The following PJA2 variants were observed in gnomAD, a reference collection of about 807,000 sequenced individuals.
The protein encoded by PJA2 is E3 ubiquitin-protein ligase Praja-2.
A neutral mutation model predicts 69.3 loss-of-function variants in PJA2; 25 were observed. The observed-to-expected ratio is 0.36, with a 90% CI of 0.26 to 0.50. The LOEUF (loss-of-function observed/expected upper bound fraction) is 0.50, where lower values mean the gene tolerates loss of function less well. PJA2 is among the 20% of genes least tolerant of loss of function. The pLI, the probability that PJA2 is intolerant of heterozygous loss-of-function variation, is 0.96. For synonymous variants in PJA2, 308 were observed against 277.8 expected (o/e 1.11, Z -1.08); for missense variants, 809 against 830.2 (o/e 0.97, Z 0.31).
Position 109,334,800 on chromosome 5 carries a change from T to A in PJA2, c.*2431A>T, listed in dbSNP as rs1262637841. The A allele has an allele frequency of 6.6e-6, 1 of 152,604 alleles. No homozygotes were observed. Among genetic ancestry groups the A allele is most frequent in the South Asian group, 2.1e-4 (1 of 4,830 alleles). 9.5% of individuals were successfully genotyped at this position (152,604 alleles called of 1,614,324 possible). A position where few individuals can be genotyped will look rare whatever the true frequency, so the allele number is the denominator to read the frequency against. Reference sequence around the variant, plus strand: ...GGGTTATAGAACAATAAACCAACCATTACATTTAGACCTGGGCTTTTGAAA... The same window carrying A: ...GGGTTATAGAACAATAAACCAACCAATACATTTAGACCTGGGCTTTTGAAA... On this transcript the variant is annotated 3_prime_UTR_variant, in exon 10 of 10. Coordinates refer to ENST00000361189, the MANE Select transcript of PJA2 (RefSeq NM_014819.5).
At chr5:109,392,123 T>C (rs2127013234) in intron 1 of PJA2, among the ~76,000 whole-genome samples, 1 of 152,232 alleles carries the variant, frequency 6.6e-6, no homozygotes, top group African/African-American at 2.4e-5. Context: ...GGAGTGTAAA[T>C]GGCCAAGAAT....
chr5:109,338,894 TGACACAC>T (rs1441789692), intron 9 of PJA2, among the ~76,000 whole-genome samples: 8 of 152,334 alleles, frequency 5.3e-5, no homozygotes, highest in African/African-American at 1.9e-4. Context: ...TAACAGTGAC[TGACACAC>T]AGCAGGCACA....
chr5:109,358,130 A>T (rs1475777796), intron 6 of PJA2, among the ~76,000 whole-genome samples: 1 of 152,246 alleles, frequency 6.6e-6, no homozygotes, highest in East Asian at 1.9e-4. Context: ...TGACATGTTC[A>T]TGATGGCCAT....
chr5:109,407,318 T>C (rs1317890057), intron 1 of PJA2, among the ~76,000 whole-genome samples: 2 of 152,088 alleles, frequency 1.3e-5, no homozygotes, highest in African/African-American at 2.4e-5. Flanking sequence ...AAAAAATATA[T>C]ATAAGAAAAC....
intron 1 of PJA2, among the ~76,000 whole-genome samples, chr5:109,400,356 G>GA: frequency 6.6e-6 from 1 of 150,914 alleles, no homozygotes; most frequent in African/African-American, 2.4e-5. Context: ...TGATTTAACT[G>GA]AAAAGAAACA....
intron 1 of PJA2, chr5:109,409,330 A>C (rs1341613734): frequency 3.3e-5 from 5 of 152,308 alleles, no homozygotes; most frequent in Admixed American, 1.3e-4. Flanking sequence ...CGCCCAGCAA[A>C]ACGACGGCAA....
intron 4 of PJA2, 21 bp from the exon 5 acceptor site, chr5:109,368,767 A>G: frequency 6.2e-7 from 1 of 1,602,918 alleles, no homozygotes; most frequent in Non-Finnish European, 8.5e-7. Flanking sequence ...GAAGAGAAAT[A>G]AACTATCATA....
intron 9 of PJA2, among the ~76,000 whole-genome samples, chr5:109,338,636 CAAAAAAAAAA>C (rs11336749): frequency 4.8e-5 from 3 of 62,468 alleles, no homozygotes; most frequent in African/African-American, 1.1e-4. Context: ...AACTCCGTCT[CAAAAAAAAAA>C]AAAAAAAAAA....
Position 109,335,011 on chromosome 5 carries a change from A to G in PJA2, c.*2220T>C, listed in dbSNP as rs1344322123. The G allele has an allele frequency of 1.3e-5, 2 of 152,660 alleles. No homozygotes were observed. Among genetic ancestry groups the G allele is most frequent in the Non-Finnish European group, 2.9e-5 (2 of 68,048 alleles). The allele number at this position is 152,660 out of a possible 1,614,324, so 9.5% of individuals were successfully genotyped here. On this transcript the variant is annotated 3_prime_UTR_variant, in exon 10 of 10. Coordinates refer to ENST00000361189, the MANE Select transcript of PJA2 (RefSeq NM_014819.5). ...AAAAATAAAATTAGGTTAAGTCACA[A>G]CATAAAATAGAGAAATAAGATAAAT... is the stretch of plus-strand genomic sequence containing the variant.
At chr5:109,399,589 T>C (rs1451845969) in intron 1 of PJA2, among the ~76,000 whole-genome samples, 1 of 152,160 alleles carries the variant, frequency 6.6e-6, no homozygotes, top group East Asian at 1.9e-4. Context: ...ACGAATTAGA[T>C]TGAATCAACC....
At chr5:109,354,815 A>G (rs533685761) in intron 7 of PJA2, among the ~76,000 whole-genome samples, 1 of 151,324 alleles carries the variant, frequency 6.6e-6, no homozygotes, top group East Asian at 1.9e-4. Context: ...TAACTTGTCA[A>G]TCTAAACTAG....
At chr5:109,352,283 C>G (rs1412963614) in intron 7 of PJA2, among the ~76,000 whole-genome samples, 3 of 152,160 alleles carry the variant, frequency 2.0e-5, no homozygotes, top group Non-Finnish European at 4.4e-5. Flanking sequence ...TCACATTCCC[C>G]ACTAGTAATA....
chr5:109,353,206 A>G (rs186841839), intron 7 of PJA2, among the ~76,000 whole-genome samples: 1 of 138,728 alleles, frequency 7.2e-6, no homozygotes, highest in Non-Finnish European at 1.6e-5. Context: ...GATACCTATA[A>G]TATCTATAGA....
chr5:109,366,470 C>G (rs890462793), intron 5 of PJA2, among the ~76,000 whole-genome samples: 2 of 152,158 alleles, frequency 1.3e-5, no homozygotes, highest in African/African-American at 4.8e-5. Flanking sequence ...TTTCTGAACC[C>G]TAATTCTCAT....
chr5:109,399,186 G>C (rs542695090), intron 1 of PJA2, among the ~76,000 whole-genome samples: 6 of 2,290 alleles, frequency 2.6e-3, no homozygotes, highest in African/African-American at 7.2e-3. Flanking sequence ...ACTCCAGCCT[G>C]GGTGACAGAG....
chr5:109,401,327 G>A (rs1289864634), intron 1 of PJA2, among the ~76,000 whole-genome samples: 1 of 152,126 alleles, frequency 6.6e-6, no homozygotes, highest in African/African-American at 2.4e-5. Context: ...GGGCACAGTG[G>A]CTCAGGCCTG....
chr5:109,356,006 T>C lies in PJA2; in HGVS notation c.1673A>G (p.Asp558Gly). Residue 558 changes from aspartate (D) to glycine (G), a missense_variant, in exon 7 of 10, where the codon GAT (aspartate) becomes GGT (glycine). Coordinates refer to ENST00000361189, the MANE Select transcript of PJA2 (RefSeq NM_014819.5). ...AATAGCTTCAGCAACTCCTAGTCCA[T>C]CTGCAAAGCCATCAAATAGGCTGAA... ...VDWSLFDGFA[D>G]GLGVAEAISY... The C allele has an allele frequency of 6.2e-7, 1 of 1,610,700 alleles. No individual in the cohort carries two copies. Among genetic ancestry groups the C allele is most frequent in the East Asian group, 2.2e-5 (1 of 44,714 alleles).
chr5:109,370,509 A>G (rs2127002528), intron 4 of PJA2, among the ~76,000 whole-genome samples: 1 of 152,336 alleles, frequency 6.6e-6, no homozygotes, highest in Non-Finnish European at 1.5e-5. Flanking sequence ...ATGGCAGGGC[A>G]TTAACATCCC....
intron 7 of PJA2, among the ~76,000 whole-genome samples, chr5:109,345,196 A>C (rs1007622137): frequency 1.3e-5 from 2 of 151,436 alleles, no homozygotes; most frequent in African/African-American, 4.9e-5. Flanking sequence ...AAAAAAAAAA[A>C]AAAAACAAAA....
Sources: gnomAD v4.1 joint callset for allele counts (sites outside exome capture counted in the v4.1 genomes callset) on GRCh38, gnomAD v4.1.1 for gene constraint, MANE v1.5 for transcripts, NCBI Gene and HGNC (gene_info 2026-07-23, HGNC 2026-07-21) for gene names.